ZHX3: variants seen among roughly 807,000 people sequenced by gnomAD.
ZHX3 encodes zinc fingers and homeoboxes protein 3.
ZHX3 carries 20 observed loss-of-function variants against 64.5 expected under a neutral mutation model. That is an observed-to-expected ratio of 0.31 (90% CI 0.22 to 0.45). The LOEUF (loss-of-function observed/expected upper bound fraction) is 0.45, where lower values mean the gene tolerates loss of function less well. Among genes scored for constraint, ZHX3 ranks in the 20% least tolerant of loss-of-function variants. ZHX3 has a pLI of 1.00. For missense variants in ZHX3, 1,041 were observed against 1,195.8 expected, an observed-to-expected ratio of 0.87 and a Z score of 1.91; for synonymous variants, 423 against 461.6, an observed-to-expected ratio of 0.92 and a Z score of 1.07.
chr20:41,187,965 T>C (rs1477298117), intron 3 of ZHX3, among the ~76,000 whole-genome samples: 1 of 152,240 alleles, frequency 6.6e-6, no homozygotes, highest in African/African-American at 2.4e-5. Context: ...TACAATATGT[T>C]GTTGCTAACC....
rs1478357501 is a variant in ZHX3 at position 41,200,743 on chromosome 20, G to C, written c.2860+1314C>G. The stretch of plus-strand genomic sequence containing the variant: ...TAGTATGTTAATATGAGAAGAACAG[G>C]CTTTCTGCAAATGCTAAACAGATGG... On this transcript the variant is annotated intron_variant, in intron 3 of 3. Coordinates refer to ENST00000683867, the MANE Select transcript of ZHX3 (RefSeq NM_001384317.1). This position sits in a 1 kb window ranked among gnomAD's most constrained non-coding sequence, Gnocchi z 4.2. 6.6e-6 allele frequency among the ~76,000 whole-genome samples: 1 copy of C among 152,160 alleles called. No homozygotes were observed. The highest frequency in any genetic ancestry group is 1.5e-5 in the Non-Finnish European group (1 of 68,034).
chr20:41,218,552 A>C (rs946747103), intron 2 of ZHX3, among the ~76,000 whole-genome samples: 7 of 152,156 alleles, frequency 4.6e-5, no homozygotes, highest in African/African-American at 1.7e-4. Flanking sequence ...TGTATTGCTT[A>C]CTCTTATGTA....
At position 41,202,665 on chromosome 20, in the gene ZHX3, G is replaced by T; in HGVS notation, c.2252C>A (p.Pro751His). ...CAGTTTGTTTGACTCATCATCCTCA[G>T]GGTCACAGGCACCCAGCCCTGGAAT... ...NEIPGLGACD[P>H]EDDESNKLAE... is the part of the protein sequence containing the mutation. Residue 751 changes from proline (P) to histidine (H), a missense_variant, in exon 3 of 4, where the codon CCT becomes CAT. By Grantham distance (77) the Pro-to-His change is moderately conservative. Around this residue, in one of 4 missense-constraint regions of ZHX3, gnomAD observed 649 missense variants for 739.8 expected, o/e 0.88. Coordinates refer to ENST00000683867, the MANE Select transcript of ZHX3 (RefSeq NM_001384317.1). The surrounding 1 kb of genome is among the most constrained non-coding windows in gnomAD (Gnocchi z 7.0). 1 of 1,614,064 alleles carries T rather than the reference G, an allele frequency of 6.2e-7. No homozygotes were observed. The highest frequency in any genetic ancestry group is 8.5e-7 in the Non-Finnish European group (1 of 1,180,022).
intron 1 of ZHX3, among the ~76,000 whole-genome samples, chr20:41,292,952 G>A (rs6029614): frequency 1.8e-4 from 27 of 152,328 alleles, no homozygotes; most frequent in African/African-American, 6.3e-4. Context: ...AACATACACA[G>A]AGGTGTGCCA....
At chr20:41,271,078 C>T (rs1043042030) in intron 1 of ZHX3, among the ~76,000 whole-genome samples, 3 of 152,112 alleles carry the variant, frequency 2.0e-5, no homozygotes, top group African/African-American at 7.2e-5. Flanking sequence ...TGGAGTGCAG[C>T]GGCACTATCT....
chr20:41,315,022 A>C (rs1323414852), intron 1 of ZHX3, among the ~76,000 whole-genome samples: 1 of 152,242 alleles, frequency 6.6e-6, no homozygotes, highest in Non-Finnish European at 1.5e-5. Flanking sequence ...AGGCAGGATA[A>C]GAACAACAGG....
At chr20:41,298,237 C>T (rs1005737212) in intron 1 of ZHX3, among the ~76,000 whole-genome samples, 3 of 152,214 alleles carry the variant, frequency 2.0e-5, no homozygotes, top group Non-Finnish European at 4.4e-5. Flanking sequence ...ACATGTGAAA[C>T]ATGGAGCATG....
intron 2 of ZHX3, among the ~76,000 whole-genome samples, chr20:41,231,268 T>A (rs1859387750): frequency 6.6e-6 from 1 of 152,348 alleles, no homozygotes; most frequent in Non-Finnish European, 1.5e-5. Context: ...TCACCTTATG[T>A]TTCTGCTGAA....
chr20:41,296,520 GTGA>G (rs1401770545), intron 1 of ZHX3, among the ~76,000 whole-genome samples: 3 of 152,146 alleles, frequency 2.0e-5, no homozygotes, highest in African/African-American at 7.2e-5. Flanking sequence ...CTAGCACATG[GTGA>G]TGCTCAAGAA....
chr20:41,196,393 T>TTATATAAA (rs2037520352), intron 3 of ZHX3, among the ~76,000 whole-genome samples: 1 of 42,746 alleles, frequency 2.3e-5, no homozygotes, highest in Non-Finnish European at 3.4e-5. Context: ...AAATATATAT[T>TTATATAAA]TATATATATT....
chr20:41,264,559 C>CA lies in ZHX3; in HGVS notation c.-151+4430dup, dbSNP rs1459734000. The stretch of plus-strand genomic sequence containing the variant: ...GGGCAACAAGAGTGAAACTCCATCT[C>CA]AAAAAAAAAAAAAAAAAAATCAAAT... On this transcript the variant is annotated intron_variant, in intron 2 of 3. Coordinates refer to ENST00000683867, the MANE Select transcript of ZHX3 (RefSeq NM_001384317.1). Among the ~76,000 whole-genome samples the CA allele has an allele frequency of 3.8e-3, 318 of 83,718 alleles. 1 individual carries two copies. The highest frequency in any genetic ancestry group is 4.6e-3 in the Admixed American group (35 of 7,630). 54.9% of individuals were successfully genotyped at this position (83,718 alleles called of 152,430 possible). A position where few individuals can be genotyped will look rare whatever the true frequency, so the allele number is the denominator to read the frequency against.
At chr20:41,255,654 C>A (rs2042211551) in intron 2 of ZHX3, among the ~76,000 whole-genome samples, 1 of 152,114 alleles carries the variant, frequency 6.6e-6, no homozygotes, top group South Asian at 2.1e-4. Flanking sequence ...ATAATACGTC[C>A]CAGAGCCTCT....
At chr20:41,264,777 C>A (rs80107558) in intron 2 of ZHX3, among the ~76,000 whole-genome samples, 1 of 151,976 alleles carries the variant, frequency 6.6e-6, no homozygotes, top group African/African-American at 2.4e-5. Context: ...TCCGAACTTA[C>A]GCTCAAAAAT....
chr20:41,207,581 C>T (rs1441862940), intron 2 of ZHX3, among the ~76,000 whole-genome samples: 1 of 152,258 alleles, frequency 6.6e-6, no homozygotes, highest in Non-Finnish European at 1.5e-5. Flanking sequence ...GAACATCCTG[C>T]TCCTGAATGA....
chr20:41,263,395 ATTTT>A (rs11479971), intron 2 of ZHX3, among the ~76,000 whole-genome samples: 4 of 140,280 alleles, frequency 2.9e-5, no homozygotes, highest in East Asian at 2.1e-4. Flanking sequence ...CATTAGAGGA[ATTTT>A]TTTTTTTTTT....
chr20:41,284,891 T>C (rs761301774), intron 1 of ZHX3, among the ~76,000 whole-genome samples: 12 of 152,140 alleles, frequency 7.9e-5, no homozygotes, highest in Non-Finnish European at 1.3e-4. Flanking sequence ...TTCATTACTT[T>C]AGGGTCCTAG....
chr20:41,283,834 A>G (rs1267774306), intron 1 of ZHX3, among the ~76,000 whole-genome samples: 1 of 152,132 alleles, frequency 6.6e-6, no homozygotes, highest in East Asian at 1.9e-4. Context: ...CCAGTCTCCA[A>G]CCTAGACTGT....
At position 41,226,266 on chromosome 20, in the gene ZHX3, G is replaced by A. The variant is rs984140080; in HGVS notation, c.-150-21200C>T. 2.0e-5 allele frequency among the ~76,000 whole-genome samples: 3 copies of A among 151,984 alleles called. No homozygotes were observed. Among genetic ancestry groups the A allele is most frequent in the Non-Finnish European group, 4.4e-5 (3 of 67,994 alleles). Reference sequence around the variant, plus strand: ...CAAAAAATTAGCCGGGCGTGCTGGCGAATGGCATGAACGCGGGAGGTGGAG... The same window carrying A: ...CAAAAAATTAGCCGGGCGTGCTGGCAAATGGCATGAACGCGGGAGGTGGAG... On this transcript the variant is annotated intron_variant, in intron 2 of 3. Transcript: ENST00000683867. The surrounding 1 kb of genome is among the most constrained non-coding windows in gnomAD (Gnocchi z 4.4).
chr20:41,213,603 A>T (rs1181813882), intron 2 of ZHX3: 1 of 152,630 alleles, frequency 6.6e-6, no homozygotes, highest in Non-Finnish European at 1.5e-5. Flanking sequence ...AGCAGAACTC[A>T]GGAGAAGCTA....
Sources: gnomAD v4.1 joint callset for allele counts (sites outside exome capture counted in the v4.1 genomes callset) on GRCh38, gnomAD v4.1.1 for gene constraint, gnomAD v4.1.1 regional missense constraint, Gnocchi (gnomAD v3.1) non-coding constraint, MANE v1.5 for transcripts, NCBI Gene and HGNC (gene_info 2026-07-23, HGNC 2026-07-21) for gene names.